Variants in KPNA6 observed in about 807,000 individuals in gnomAD.
The protein encoded by KPNA6 is karyopherin subunit alpha 6.
A neutral mutation model predicts 72.0 loss-of-function variants in KPNA6; 9 were observed. The ratio of observed to expected loss-of-function variants is 0.13; its 90% CI spans 0.08 to 0.22. The LOEUF (loss-of-function observed/expected upper bound fraction) is 0.22. KPNA6 is among the 10% of genes least tolerant of loss of function. The probability of loss-of-function intolerance (pLI) is 1.00; values close to 1 mark genes in which losing one functional copy is unlikely to be tolerated. For synonymous variants in KPNA6, 219 were observed against 242.1 expected (o/e 0.90, Z 0.89); for missense variants, 374 against 655.7 (o/e 0.57, Z 4.69).
At chr1:32,119,655 A>G (rs1444574558) in intron 1 of KPNA6, among the ~76,000 whole-genome samples, 2 of 152,054 alleles carry the variant, frequency 1.3e-5, no homozygotes, top group African/African-American at 2.4e-5. Context: ...GCTCCAGCCA[A>G]TTGTTGCCAT....
In KPNA6 at chr1:32,158,297, A is replaced by G. The variant is rs748481833; in HGVS notation, c.362A>G (p.Asn121Ser). The change falls in exon 5 of 14, where the codon AAC (asparagine) becomes AGC (serine). Residue 121 changes from asparagine (N) to serine (S), a missense_variant. By Grantham distance (46) the Asn-to-Ser change is conservative. Coordinates refer to ENST00000373625, the MANE Select transcript of KPNA6 (RefSeq NM_012316.5). ...AGTCCTCCAATAGATGAAGTTATCA[A>G]CACTCCAAGAGTGGTGGATCGGTTC... ...EPSPPIDEVI[N>S]TPRVVDRFVE... 9.3e-6 allele frequency: 15 copies of G among 1,613,174 alleles called. No homozygotes were observed. Among genetic ancestry groups the G allele is most frequent in the African/African-American group, 2.7e-5 (2 of 74,910 alleles).
chr1:32,148,492 T>C (rs1429072368), intron 1 of KPNA6, among the ~76,000 whole-genome samples: 1 of 152,078 alleles, frequency 6.6e-6, no homozygotes, highest in African/African-American at 2.4e-5. Context: ...TTGACCATAT[T>C]TTTTCAAATA....
intron 11 of KPNA6, among the ~76,000 whole-genome samples, chr1:32,166,493 C>T (rs1303002286): frequency 2.6e-5 from 4 of 151,536 alleles, no homozygotes; most frequent in East Asian, 1.9e-4. Flanking sequence ...GGTGTGGTGG[C>T]GGACGCCTGT....
chr1:32,138,586 A>T (rs922381081), intron 1 of KPNA6, among the ~76,000 whole-genome samples: 2 of 147,920 alleles, frequency 1.4e-5, no homozygotes, highest in Non-Finnish European at 3.0e-5. Context: ...AAGCTAAGGG[A>T]GATCGTGAGC....
At chr1:32,150,123 T>C (rs1642001701) in intron 1 of KPNA6, among the ~76,000 whole-genome samples, 2 of 148,570 alleles carry the variant, frequency 1.3e-5, no homozygotes, top group Admixed American at 1.4e-4. Flanking sequence ...GGAAAATTTT[T>C]AGTCTTTTTT....
intron 1 of KPNA6, among the ~76,000 whole-genome samples, chr1:32,109,309 A>G (rs1024083015): frequency 2.0e-4 from 30 of 151,912 alleles, no homozygotes; most frequent in African/African-American, 6.8e-4. Context: ...AGCTGGGATT[A>G]CAGGCACCCA....
chr1:32,113,075 C>T (rs559107639), intron 1 of KPNA6, among the ~76,000 whole-genome samples: 4 of 152,184 alleles, frequency 2.6e-5, no homozygotes, highest in Admixed American at 2.6e-4. Flanking sequence ...CCTGCCACTG[C>T]TTTATCAACT....
At chr1:32,130,544 G>A (rs1641619125) in intron 1 of KPNA6, among the ~76,000 whole-genome samples, 2 of 152,118 alleles carry the variant, frequency 1.3e-5, no homozygotes, top group African/African-American at 4.8e-5. Flanking sequence ...CCAGCACTTT[G>A]GGAGGCCGAG....
intron 1 of KPNA6, among the ~76,000 whole-genome samples, chr1:32,127,404 G>A (rs183807369): frequency 1.3e-5 from 2 of 152,250 alleles, no homozygotes; most frequent in African/African-American, 4.8e-5. Flanking sequence ...TTTCTCACAT[G>A]GGGCCTTAGA....
At chr1:32,135,864 T>G (rs1379063312) in intron 1 of KPNA6, among the ~76,000 whole-genome samples, 1 of 151,918 alleles carries the variant, frequency 6.6e-6, no homozygotes, top group Non-Finnish European at 1.5e-5. Flanking sequence ...AAAATCATAC[T>G]AAATATACTA....
chr1:32,161,864 A>G, intron 7 of KPNA6, 83 bp from the exon 8 acceptor site: 1 of 999,888 alleles, frequency 1.0e-6, no homozygotes, highest in East Asian at 2.5e-5. Flanking sequence ...GAGAGGTCTC[A>G]TTGGATTTGT....
intron 1 of KPNA6, among the ~76,000 whole-genome samples, chr1:32,122,325 A>T (rs1641447496): frequency 6.6e-6 from 1 of 151,592 alleles, no homozygotes; most frequent in Non-Finnish European, 1.5e-5. Flanking sequence ...GAAAGAGAGT[A>T]TTTCAAAAAT....
intron 1 of KPNA6, among the ~76,000 whole-genome samples, chr1:32,129,990 C>T (rs1303036851): frequency 6.6e-6 from 1 of 152,104 alleles, no homozygotes; most frequent in Non-Finnish European, 1.5e-5. Flanking sequence ...TAATCTCTCC[C>T]ACTTATTAGC....
intron 1 of KPNA6, among the ~76,000 whole-genome samples, chr1:32,111,021 C>G (rs964163355): frequency 5.3e-5 from 8 of 152,146 alleles, no homozygotes; most frequent in African/African-American, 1.7e-4. Context: ...CCAGGTTTCC[C>G]TATTGAGTAA....
At chr1:32,133,753 C>T (rs1641683048) in intron 1 of KPNA6, among the ~76,000 whole-genome samples, 1 of 152,012 alleles carries the variant, frequency 6.6e-6, no homozygotes, top group Non-Finnish European at 1.5e-5. Context: ...TATATCTGGC[C>T]AGGCAGCATG....
At chr1:32,147,158 A>G (rs1641943345) in intron 1 of KPNA6, among the ~76,000 whole-genome samples, 1 of 152,176 alleles carries the variant, frequency 6.6e-6, no homozygotes, top group Non-Finnish European at 1.5e-5. Flanking sequence ...CTTGCAGAGC[A>G]GGTCTAGTGG....
rs1274753969 is a variant in KPNA6, at chr1:32,144,945, C to T, written c.5-9643C>T. 2.0e-5 allele frequency among the ~76,000 whole-genome samples: 3 copies of T among 149,244 alleles called. No individual in the cohort carries two copies. The South Asian group carries it at 6.4e-4, about 32-fold the overall frequency. On this transcript the variant is annotated intron_variant, in intron 1 of 13. Coordinates refer to ENST00000373625, the MANE Select transcript of KPNA6 (RefSeq NM_012316.5). ...ACAGGCGTAAGCCACCGCGCCTGGC[C>T]TAAAACTTTTTTTTTTTTTTTTCTT...
At chr1:32,141,374 CCTTTTT>C (rs1641833384) in intron 1 of KPNA6, among the ~76,000 whole-genome samples, 1 of 50,038 alleles carries the variant, frequency 2.0e-5, no homozygotes, top group Non-Finnish European at 4.2e-5. Context: ...TTAAGTTAAT[CCTTTTT>C]TTTTTTTTTT....
intron 1 of KPNA6, among the ~76,000 whole-genome samples, chr1:32,145,871 C>T (rs1641921413): frequency 6.6e-6 from 1 of 152,160 alleles, no homozygotes. Context: ...AGTCTTCCGA[C>T]ATTTTAAAGA....
Sources: gnomAD v4.1 joint callset for allele counts (sites outside exome capture counted in the v4.1 genomes callset) on GRCh38, gnomAD v4.1.1 for gene constraint, MANE v1.5 for transcripts, NCBI Gene and HGNC (gene_info 2026-07-23, HGNC 2026-07-21) for gene names.